TOR1AIP2: variants seen among roughly 807,000 people sequenced by gnomAD.
TOR1AIP2 encodes the protein torsin 1A interacting protein 2.
TOR1AIP2 carries 20 observed loss-of-function variants against 32.6 expected under a neutral mutation model. The ratio of observed to expected loss-of-function variants is 0.61; its 90% CI spans 0.43 to 0.89. The LOEUF (loss-of-function observed/expected upper bound fraction) is 0.89. TOR1AIP2 is among the 40% of genes least tolerant of loss of function. TOR1AIP2 has a pLI of 0.00. For synonymous variants in TOR1AIP2, 214 were observed against 210.8 expected (o/e 1.02, Z -0.13); for missense variants, 456 against 553.8 (o/e 0.82, Z 1.77).
chr1:179,854,331 A>G (rs1291354978), intron 3 of TOR1AIP2, among the ~76,000 whole-genome samples: 1 of 152,194 alleles, frequency 6.6e-6, no homozygotes, highest in African/African-American at 2.4e-5. Flanking sequence ...AGAGATAAGT[A>G]AACAGAAAAA....
At position 179,840,727 on chromosome 1, in the gene TOR1AIP2, C is replaced by T. The variant is rs1695692721; in HGVS notation, c.*5344G>A. The T allele has an allele frequency of 6.9e-6, 1 of 144,800 alleles. No individual in the cohort carries two copies. Among genetic ancestry groups the T allele is most frequent in the Non-Finnish European group, 1.5e-5 (1 of 66,968 alleles). The allele number at this position is 144,800 out of a possible 1,614,324, so 9.0% of individuals were successfully genotyped here. On this transcript the variant is annotated 3_prime_UTR_variant, in exon 7 of 7. Coordinates refer to ENST00000609928, the MANE Select transcript of TOR1AIP2 (RefSeq NM_001199260.2). ...CTTGGACACAGGGCAGGGAACATCA[C>T]ACACTGGGGCCTGTCAGGGGGTGGG... is the stretch of plus-strand genomic sequence containing the variant.
intron 4 of TOR1AIP2, 152 bp downstream of exon 4, chr1:179,852,480 T>G: frequency 1.4e-6 from 1 of 715,956 alleles, no homozygotes; most frequent in Non-Finnish European, 2.3e-6. Context: ...ATTCAGTAAA[T>G]TTGAAAGAAT....
intron 2 of TOR1AIP2, among the ~76,000 whole-genome samples, chr1:179,870,896 C>T (rs913623101): frequency 2.0e-5 from 3 of 152,174 alleles, no homozygotes; most frequent in Non-Finnish European, 2.9e-5. Flanking sequence ...TTGAGAACTA[C>T]CATTACTTTA....
intron 3 of TOR1AIP2, chr1:179,864,096 G>T (rs868585804): frequency 1.0e-6 from 1 of 985,374 alleles, no homozygotes; most frequent in Non-Finnish European, 1.2e-6. Flanking sequence ...GTAAAGCCAC[G>T]TAAGTATGGA....
chr1:179,851,396 A>G, intron 4 of TOR1AIP2, 33 bp from the exon 5 acceptor site: 1 of 1,437,538 alleles, frequency 7.0e-7, no homozygotes, highest in Non-Finnish European at 9.2e-7. Flanking sequence ...TTTTTATTGG[A>G]AAAAATTCCC....
At position 179,842,690 on chromosome 1, in the gene TOR1AIP2, A is replaced by C. The variant is rs1285141711; in HGVS notation, c.*3381T>G. On this transcript the variant is annotated 3_prime_UTR_variant, in exon 7 of 7. Coordinates refer to ENST00000609928, the MANE Select transcript of TOR1AIP2 (RefSeq NM_001199260.2). ...ATCATTTTTCTAAGTCAAATAAGCA[A>C]ATTATCTTTGACAATAAAAGACGAA... The C allele has an allele frequency of 6.6e-6, 1 of 152,232 alleles. No homozygotes were observed. The highest frequency in any genetic ancestry group is 1.5e-5 in the Non-Finnish European group (1 of 68,036). The allele number at this position is 152,232 out of a possible 1,614,324, so 9.4% of individuals were successfully genotyped here. A position where few individuals can be genotyped will look rare whatever the true frequency, so the allele number is the denominator to read the frequency against.
chr1:179,846,931 T>G, intron 6 of TOR1AIP2, 103 bp from the exon 7 acceptor site: 2 of 1,265,888 alleles, frequency 1.6e-6, no homozygotes, highest in Non-Finnish European at 2.1e-6. Flanking sequence ...CAGGTTTTAC[T>G]AGGAGCAATA....
At chr1:179,870,243 A>G (rs1418501025) in intron 2 of TOR1AIP2, among the ~76,000 whole-genome samples, 1 of 152,040 alleles carries the variant, frequency 6.6e-6, no homozygotes, top group African/African-American at 2.4e-5. Context: ...CTAAAAATAC[A>G]AAAAAATTAG....
intron 3 of TOR1AIP2, chr1:179,862,344 ACT>A: frequency 2.0e-6 from 2 of 985,198 alleles, no homozygotes; most frequent in Non-Finnish European, 2.4e-6. Context: ...TCTCGAAAGC[ACT>A]CTCTCAAAGT....
chr1:179,873,821 T>G (rs1039379313), intron 2 of TOR1AIP2: 1 of 152,238 alleles, frequency 6.6e-6, no homozygotes, highest in African/African-American at 2.4e-5. Context: ...CTATCATTAT[T>G]CATTTTATTG....
In TOR1AIP2 at chr1:179,846,387, T is replaced by C. The variant is rs749765069; in HGVS notation, c.1097A>G (p.His366Arg). 2.5e-6 allele frequency: 4 copies of C among 1,614,194 alleles called. No individual in the cohort carries two copies. Among genetic ancestry groups the C allele is most frequent in the Non-Finnish European group, 3.4e-6 (4 of 1,180,026 alleles). The change falls in exon 7 of 7, where the codon CAC becomes CGC. Residue 366 changes from histidine to arginine, a missense_variant. His to Arg is a conservative substitution (Grantham distance 29). Coordinates refer to ENST00000609928, the MANE Select transcript of TOR1AIP2 (RefSeq NM_001199260.2). ...ENGQKAAVVH[H>R]FESFPAGSTL... ...GGAGCCGGCAGGGAAGGATTCGAAG[T>C]GGTGTACCACAGCAGCCTTCTGGCC...
chr1:179,860,762 T>G, intron 3 of TOR1AIP2: 1 of 985,414 alleles, frequency 1.0e-6, no homozygotes, highest in Non-Finnish European at 1.2e-6. Flanking sequence ...AGGCCATTAT[T>G]TTGCCTCTAT....
At chr1:179,857,252 T>A (rs1408976406) in intron 3 of TOR1AIP2, among the ~76,000 whole-genome samples, 2 of 152,236 alleles carry the variant, frequency 1.3e-5, no homozygotes, top group African/African-American at 2.4e-5. Context: ...TCTACTTAAA[T>A]AAAATGTAGT....
Position 179,872,993 on chromosome 1 carries a change from G to A in TOR1AIP2, c.-566+4246C>T, listed in dbSNP as rs374663298. On this transcript the variant is annotated intron_variant, in intron 2 of 6. Coordinates refer to ENST00000609928, the MANE Select transcript of TOR1AIP2 (RefSeq NM_001199260.2). ...CTTACATAATTAAAGCATAGTTATC[G>A]AAAACAAGAAATCAACATTGGCACA... is the stretch of plus-strand genomic sequence containing the variant. Among the ~76,000 whole-genome samples the A allele has an allele frequency of 2.0e-3, 301 of 152,226 alleles. 2 individuals carry two copies. The highest frequency in any genetic ancestry group is 7.1e-3 in the African/African-American group (295 of 41,542).
Position 179,846,110 on chromosome 1 carries a change from C to A in TOR1AIP2, c.1374G>T (p.Gln458His), listed in dbSNP as rs1309747150. Residue 458 changes from glutamine (Q) to histidine (H), a missense_variant, in exon 7 of 7, where the codon CAG (glutamine) becomes CAT (histidine). Physicochemically the swap from Gln to His is conservative, Grantham distance 24. Coordinates refer to ENST00000609928, the MANE Select transcript of TOR1AIP2 (RefSeq NM_001199260.2). ...CCTGTTCTTCTATGCTACTCACTGGCTGGACTGGCAGTACCAGGTGTGAAA... is the reference window on the plus strand; with the variant it reads ...CCTGTTCTTCTATGCTACTCACTGGATGGACTGGCAGTACCAGGTGTGAAA... ...SRISHLVLPVQPVSSIEEQGC... is the reference protein window; with the variant it reads ...SRISHLVLPVHPVSSIEEQGC... 2 of 1,614,198 alleles carry A rather than the reference C, an allele frequency of 1.2e-6. No homozygotes were observed. The highest frequency in any genetic ancestry group is 1.7e-6 in the Non-Finnish European group (2 of 1,180,030).
intron 3 of TOR1AIP2, chr1:179,861,382 G>A: frequency 1.0e-6 from 1 of 985,382 alleles, no homozygotes; most frequent in Non-Finnish European, 1.2e-6. Flanking sequence ...TTTGTTCAAA[G>A]GCTTCCTCAA....
At chr1:179,861,743 C>T (rs1696541603) in intron 3 of TOR1AIP2, 11 of 985,288 alleles carry the variant, frequency 1.1e-5, no homozygotes, top group Non-Finnish European at 1.3e-5. Flanking sequence ...GAGTATTCTG[C>T]TCCCATCCTT....
chr1:179,857,246 C>T (rs1696337437), intron 3 of TOR1AIP2, among the ~76,000 whole-genome samples: 1 of 152,234 alleles, frequency 6.6e-6, no homozygotes, highest in Non-Finnish European at 1.5e-5. Flanking sequence ...CATATTTCTA[C>T]TTAAATAAAA....
Position 179,851,100 on chromosome 1 carries a change from C to G in TOR1AIP2, c.298G>C (p.Gly100Arg), listed in dbSNP as rs1291151987. The change falls in exon 5 of 7, where the codon GGG becomes CGG. Residue 100 changes from glycine to arginine, a missense_variant. Coordinates refer to ENST00000609928, the MANE Select transcript of TOR1AIP2 (RefSeq NM_001199260.2). ...AGATTTTCTGAAGGGAGGTGATGCC[C>G]TTTTCCGCCATCCAGAAAACTCTGC... Reference protein sequence around the residue: ...NKQSFLDGGKGHHLPSENLGK... With the variant: ...NKQSFLDGGKRHHLPSENLGK... 1 of 1,614,206 alleles carries G rather than the reference C, an allele frequency of 6.2e-7. No individual in the cohort carries two copies. The highest frequency in any genetic ancestry group is 8.5e-7 in the Non-Finnish European group (1 of 1,180,046).
Sources: gnomAD v4.1 joint callset for allele counts (sites outside exome capture counted in the v4.1 genomes callset) on GRCh38, gnomAD v4.1.1 for gene constraint, MANE v1.5 for transcripts, NCBI Gene and HGNC (gene_info 2026-07-23, HGNC 2026-07-21) for gene names.